APBB2: variants seen among roughly 807,000 people sequenced by gnomAD.
APBB2 encodes amyloid beta precursor protein binding family B member 2.
APBB2 carries 38 observed loss-of-function variants against 82.5 expected under a neutral mutation model. The observed-to-expected ratio is 0.46, with a 90% CI of 0.36 to 0.60. The LOEUF is 0.60. Ranked by LOEUF, APBB2 falls within the 20% of genes least tolerant of loss-of-function variation. The pLI, the probability that APBB2 is intolerant of heterozygous loss-of-function variation, is 0.00. For synonymous variants in APBB2, 341 were observed against 368.2 expected (o/e 0.93, Z 0.85); for missense variants, 772 against 972.3 (o/e 0.79, Z 2.74).
chr4:41,141,571 A>G (rs1330241326), intron 2 of APBB2, among the ~76,000 whole-genome samples: 1 of 152,230 alleles, frequency 6.6e-6, no homozygotes, highest in African/African-American at 2.4e-5. Context: ...AATAGTTGCA[A>G]TAAGAATACT....
intron 9 of APBB2, 22 bp from the exon 10 acceptor site, chr4:40,934,538 T>TG: frequency 4.3e-6 from 7 of 1,613,858 alleles, no homozygotes; most frequent in Non-Finnish European, 5.9e-6. Flanking sequence ...AACAGAAAAG[T>TG]GGACTTAGAA....
At chr4:40,868,028 AT>A (rs35501177) in intron 12 of APBB2, among the ~76,000 whole-genome samples, 76 of 147,088 alleles carry the variant, frequency 5.2e-4, no homozygotes, top group Admixed American at 6.2e-4. Flanking sequence ...GTGCCTGGCT[AT>A]TTTTTTTTTT....
At position 41,050,295 on chromosome 4, in the gene APBB2, A is replaced by C. The variant is rs539933462; in HGVS notation, c.-51+15281T>G. Among the ~76,000 whole-genome samples the C allele has an allele frequency of 2.6e-5, 4 of 152,212 alleles. No homozygotes were observed. The South Asian group carries it at 6.2e-4, about 24-fold the overall frequency. ...AATTAGACAGGAACAAGGAGATAAG[A>C]GAGATGCTTAGAATTCCTTCACATA... On this transcript the variant is annotated intron_variant, in intron 4 of 17. Coordinates refer to ENST00000508593, the MANE Select transcript of APBB2 (RefSeq NM_004307.2).
chr4:41,030,631 A>AT (rs899357384), intron 5 of APBB2, among the ~76,000 whole-genome samples: 19 of 151,714 alleles, frequency 1.3e-4, no homozygotes, highest in South Asian at 4.2e-4. Flanking sequence ...TTCAAAGATA[A>AT]TTTTTTTTTA....
chr4:40,930,446 TGTGCGC>T (rs1455101668), intron 10 of APBB2, among the ~76,000 whole-genome samples: 20,475 of 81,038 alleles, frequency 0.25, 1,538 homozygotes, highest in Non-Finnish European at 0.29. Context: ...TGTGTGTGTG[TGTGCGC>T]GCGCGCGCGC....
chr4:40,901,170 C>T (rs1196120637), intron 10 of APBB2, among the ~76,000 whole-genome samples: 1 of 152,126 alleles, frequency 6.6e-6, no homozygotes, highest in African/African-American at 2.4e-5. Context: ...CCTCAGTTTC[C>T]TCATCTGTTG....
intron 6 of APBB2, among the ~76,000 whole-genome samples, chr4:40,982,249 A>AGAAAGAAG (rs1798782559): frequency 2.5e-4 from 3 of 11,898 alleles, no homozygotes; most frequent in Non-Finnish European, 6.0e-4. Context: ...AAAGAAAGAA[A>AGAAAGAAG]GAAAGAAAGA....
intron 6 of APBB2, among the ~76,000 whole-genome samples, chr4:40,996,211 T>G (rs998100805): frequency 6.6e-6 from 1 of 152,234 alleles, no homozygotes; most frequent in Non-Finnish European, 1.5e-5. Context: ...GAATGAGATA[T>G]CTAGCCATTT....
chr4:40,852,283 G>A (rs1255831496), intron 12 of APBB2, among the ~76,000 whole-genome samples: 2 of 148,882 alleles, frequency 1.3e-5, no homozygotes, highest in Non-Finnish European at 3.0e-5. Flanking sequence ...CCCGGGAGGC[G>A]AAGGCTGCAG....
chr4:40,955,932 C>T (rs376581286), intron 6 of APBB2, among the ~76,000 whole-genome samples: 116 of 152,120 alleles, frequency 7.6e-4, no homozygotes, highest in African/African-American at 2.6e-3. Context: ...TGTGCCACCA[C>T]GCCCGGCTAA....
At chr4:41,174,455 G>A (rs114538338) in intron 1 of APBB2, among the ~76,000 whole-genome samples, 224 of 152,202 alleles carry the variant, frequency 1.5e-3, no homozygotes, top group African/African-American at 5.2e-3. Flanking sequence ...CATGACTGAT[G>A]TTTGAGCACG....
chr4:41,089,663 CTCAT>C lies in APBB2; in HGVS notation c.-149+10972_-149+10975del, dbSNP rs532832317. Among the ~76,000 whole-genome samples, 29 of 152,274 alleles carry C rather than the reference CTCAT, an allele frequency of 1.9e-4. No individual in the cohort carries two copies. In the South Asian group the frequency reaches 4.4e-3, roughly 23 times the overall value. ...AGAAAGTTGTGGCTCAAAGAAAAAACTCATTCACAGATAGCCAGTGGAAGAGTCA... is the reference window on the plus strand; with the variant it reads ...AGAAAGTTGTGGCTCAAAGAAAAAACTCACAGATAGCCAGTGGAAGAGTCA... On this transcript the variant is annotated intron_variant, in intron 3 of 17. Transcript: ENST00000508593.
chr4:40,825,975 AG>A lies in APBB2; in HGVS notation c.1733-6del. ...TCTTTGGTGTTGGAAAATCTACTAC[AG>A]GGAACAAAAGCAACACATCTTTCTC... On this transcript the variant is annotated splice_region_variant and splice_polypyrimidine_tract_variant and intron_variant, in intron 14 of 17. Transcript: ENST00000508593. 11 of 1,611,838 alleles carry A rather than the reference AG, an allele frequency of 6.8e-6. No homozygotes were observed. The highest frequency in any genetic ancestry group is 9.3e-6 in the Non-Finnish European group (11 of 1,177,924).
chr4:41,072,004 C>A (rs1233689780), intron 3 of APBB2, among the ~76,000 whole-genome samples: 1 of 140,024 alleles, frequency 7.1e-6, no homozygotes, highest in Non-Finnish European at 1.5e-5. Flanking sequence ...ACAAAGAGAG[C>A]TGGATGGGGA....
intron 6 of APBB2, among the ~76,000 whole-genome samples, chr4:40,952,762 A>C (rs1790554098): frequency 1.3e-5 from 2 of 152,212 alleles, no homozygotes. Flanking sequence ...CAGGTCTTGA[A>C]TGCAAGTGCT....
In APBB2 at chr4:40,848,982, T is replaced by TCA. The variant is rs764802586; in HGVS notation, c.1530-18407_1530-18406dup. On this transcript the variant is annotated intron_variant, in intron 12 of 17. Transcript: ENST00000508593. Reference sequence around the variant, plus strand: ...TGCGAGCAAGAACCTTTCTGCCTGTTCACTTACCACTGTCTGGCACATAGT... The same window carrying TCA: ...TGCGAGCAAGAACCTTTCTGCCTGTTCACACTTACCACTGTCTGGCACATAGT... 9.4e-4 allele frequency: 787 copies of TCA among 838,954 alleles called. 2 individuals carry two copies. The highest frequency in any genetic ancestry group is 1.1e-3 in the Non-Finnish European group (746 of 696,398). 52.0% of individuals were successfully genotyped at this position (838,954 alleles called of 1,614,324 possible). A position where few individuals can be genotyped will look rare whatever the true frequency, so the allele number is the denominator to read the frequency against.
intron 10 of APBB2, among the ~76,000 whole-genome samples, chr4:40,930,452 C>CGCGCGCGTGTGT (rs1351457825): frequency 2.9e-5 from 2 of 68,500 alleles, no homozygotes; most frequent in African/African-American, 8.5e-5. Context: ...TGTGTGTGCG[C>CGCGCGCGTGTGT]GCGCGCGCGC....
intron 1 of APBB2, among the ~76,000 whole-genome samples, chr4:41,183,747 GTGT>G (rs1772077849): frequency 6.7e-6 from 1 of 149,984 alleles, no homozygotes; most frequent in Admixed American, 6.7e-5. Flanking sequence ...ACAATAATTT[GTGT>G]TGTTTAAGCC....
At position 41,027,404 on chromosome 4, in the gene APBB2, T is replaced by TATATAA. The variant is rs1426043208; in HGVS notation, c.19+5831_19+5832insTTATAT. ...ATATATATATATATATATATATATA[T>TATATAA]AACATTTTCAAGAACTCCCAGACTG... is the stretch of plus-strand genomic sequence containing the variant. On this transcript the variant is annotated intron_variant, in intron 5 of 17. Coordinates refer to ENST00000508593, the MANE Select transcript of APBB2 (RefSeq NM_004307.2). 1.3e-3 allele frequency among the ~76,000 whole-genome samples: 167 copies of TATATAA among 130,532 alleles called. 1 individual carries two copies. The highest frequency in any genetic ancestry group is 4.3e-3 in the Middle Eastern group (1 of 232). 85.6% of individuals were successfully genotyped at this position (130,532 alleles called of 152,430 possible). A position where few individuals can be genotyped will look rare whatever the true frequency, so the allele number is the denominator to read the frequency against.
Sources: gnomAD v4.1 joint callset for allele counts (sites outside exome capture counted in the v4.1 genomes callset) on GRCh38, gnomAD v4.1.1 for gene constraint, MANE v1.5 for transcripts, NCBI Gene and HGNC (gene_info 2026-07-23, HGNC 2026-07-21) for gene names.